Variants in RASAL2 observed in about 807,000 individuals in gnomAD.
RASAL2 encodes the protein RAS protein activator like 2.
In RASAL2, 58 loss-of-function variants were observed where a neutral mutation model predicts 128.9. That is an observed-to-expected ratio of 0.45 (90% CI 0.36 to 0.56). The LOEUF is 0.56. Among genes scored for constraint, RASAL2 ranks in the 20% least tolerant of loss-of-function variants. RASAL2 has a pLI of 0.00. For synonymous variants in RASAL2, 561 were observed against 580.8 expected (o/e 0.97, Z 0.49); for missense variants, 1,360 against 1,601.6 (o/e 0.85, Z 2.57).
intron 3 of RASAL2, among the ~76,000 whole-genome samples, chr1:178,310,377 C>T (rs981508513): frequency 6.6e-6 from 1 of 152,026 alleles, no homozygotes; most frequent in African/African-American, 2.4e-5. Flanking sequence ...GCATTATTAG[C>T]CAATTAAATG....
At chr1:178,245,805 C>A (rs1664743478) in intron 1 of RASAL2, among the ~76,000 whole-genome samples, 1 of 152,344 alleles carries the variant, frequency 6.6e-6, no homozygotes, top group Middle Eastern at 3.4e-3. Context: ...GTTTTCCCAG[C>A]ACCATTTGTA....
At chr1:178,422,507 T>G in intron 5 of RASAL2, among the ~76,000 whole-genome samples, 1 of 152,190 alleles carries the variant, frequency 6.6e-6, no homozygotes, top group East Asian at 1.9e-4. Context: ...TCAAAAAACT[T>G]TTTCTTGTAT....
chr1:178,320,604 G>C lies in RASAL2; in HGVS notation c.457+20486G>C, dbSNP rs538941835. On this transcript the variant is annotated intron_variant, in intron 3 of 17. Transcript: ENST00000367649. Reference sequence around the variant, plus strand: ...CTTTGACTGGGAGAGGGAACTCCCTGACCCCTTGCGCTTCCCAGGTGAGGC... The same window carrying C: ...CTTTGACTGGGAGAGGGAACTCCCTCACCCCTTGCGCTTCCCAGGTGAGGC... Among the ~76,000 whole-genome samples the C allele has an allele frequency of 5.0e-3, 765 of 152,306 alleles. 3 individuals carry two copies. The highest frequency in any genetic ancestry group is 9.7e-3 in the Non-Finnish European group (663 of 68,020).
intron 17 of RASAL2, among the ~76,000 whole-genome samples, chr1:178,471,621 T>A (rs892992319): frequency 2.0e-5 from 3 of 151,866 alleles, no homozygotes; most frequent in Admixed American, 2.0e-4. Flanking sequence ...TGTTGTTTCT[T>A]TTTTTTTAAT....
At chr1:178,429,597 A>C (rs892074808) in intron 5 of RASAL2, among the ~76,000 whole-genome samples, 1 of 152,094 alleles carries the variant, frequency 6.6e-6, no homozygotes, top group African/African-American at 2.4e-5. Context: ...TCTCAATTGA[A>C]ACTGCAATTT....
chr1:178,446,497 C>T (rs1677008337), intron 9 of RASAL2, among the ~76,000 whole-genome samples: 1 of 152,150 alleles, frequency 6.6e-6, no homozygotes, highest in African/African-American at 2.4e-5. Context: ...TATCCAAATA[C>T]TATTTAATGG....
intron 3 of RASAL2, among the ~76,000 whole-genome samples, chr1:178,303,824 A>G (rs915706564): frequency 6.6e-6 from 1 of 152,158 alleles, no homozygotes; most frequent in Non-Finnish European, 1.5e-5. Context: ...CGAAGAGTTC[A>G]CTGAGGAACA....
At chr1:178,278,801 A>T (rs1666643701) in intron 1 of RASAL2, among the ~76,000 whole-genome samples, 1 of 152,148 alleles carries the variant, frequency 6.6e-6, no homozygotes, top group Non-Finnish European at 1.5e-5. Context: ...CTAAGAAAAA[A>T]GTTGGAGTGT....
chr1:178,366,768 GA>G (rs1360079317), intron 3 of RASAL2, among the ~76,000 whole-genome samples: 1 of 152,036 alleles, frequency 6.6e-6, no homozygotes, highest in African/African-American at 2.4e-5. Context: ...AAAAAGGAAT[GA>G]AGTACTCGCT....
chr1:178,264,363 T>C (rs969763113), intron 1 of RASAL2, among the ~76,000 whole-genome samples: 47 of 152,334 alleles, frequency 3.1e-4, no homozygotes, highest in Admixed American at 1.3e-3. Flanking sequence ...GATAGACTTA[T>C]ACAGTTTTAA....
chr1:178,157,980 A>G (rs1204808769), intron 1 of RASAL2, among the ~76,000 whole-genome samples: 1 of 152,186 alleles, frequency 6.6e-6, no homozygotes, highest in Admixed American at 6.5e-5. Flanking sequence ...ATTGCTCTTC[A>G]TCTTCTATTG....
intron 3 of RASAL2, among the ~76,000 whole-genome samples, chr1:178,372,587 G>A (rs1175626813): frequency 6.6e-6 from 1 of 152,118 alleles, no homozygotes; most frequent in African/African-American, 2.4e-5. Context: ...CATGTCATCT[G>A]GCCAGCTGTT....
chr1:178,122,718 A>T (rs1284486502), intron 1 of RASAL2, among the ~76,000 whole-genome samples: 1 of 152,172 alleles, frequency 6.6e-6, no homozygotes, highest in Non-Finnish European at 1.5e-5. Flanking sequence ...CTTGTAATAT[A>T]TAAAATTATA....
intron 4 of RASAL2, among the ~76,000 whole-genome samples, chr1:178,398,189 C>T (rs1673369544): frequency 6.6e-6 from 1 of 151,666 alleles, no homozygotes; most frequent in Non-Finnish European, 1.5e-5. Flanking sequence ...CATAATTTGG[C>T]CTACTATAAG....
chr1:178,327,153 C>T (rs898975817), intron 3 of RASAL2, among the ~76,000 whole-genome samples: 1 of 152,008 alleles, frequency 6.6e-6, no homozygotes, highest in Admixed American at 6.6e-5. Context: ...TGTGTATATA[C>T]AAATTTAGTT....
At chr1:178,309,835 G>C (rs1668153978) in intron 3 of RASAL2, among the ~76,000 whole-genome samples, 1 of 152,156 alleles carries the variant, frequency 6.6e-6, no homozygotes, top group African/African-American at 2.4e-5. Flanking sequence ...GAGGGCATCA[G>C]ACTAATTTGT....
Position 178,327,091 on chromosome 1 carries a change from T to C in RASAL2, c.457+26973T>C, listed in dbSNP as rs187550744. ...TCTCATTCTAACTTAGCATTTCTTTTCTATTTTGAATGAAATTTAAAATCA... is the reference window on the plus strand; with the variant it reads ...TCTCATTCTAACTTAGCATTTCTTTCCTATTTTGAATGAAATTTAAAATCA... On this transcript the variant is annotated intron_variant, in intron 3 of 17. Transcript: ENST00000367649. Among the ~76,000 whole-genome samples the C allele has an allele frequency of 7.2e-5, 11 of 152,322 alleles. 1 individual carries two copies. Among genetic ancestry groups the C allele is most frequent in the Admixed American group, 6.5e-4 (10 of 15,296 alleles).
At chr1:178,472,985 T>C in intron 17 of RASAL2, 90 bp from the exon 18 acceptor site, 1 of 1,455,840 alleles carries the variant, frequency 6.9e-7, no homozygotes, top group Admixed American at 1.8e-5. Flanking sequence ...TACAACTGTT[T>C]GAGAGAAAGC....
chr1:178,180,638 G>A (rs960199713), intron 1 of RASAL2, among the ~76,000 whole-genome samples: 3 of 144,350 alleles, frequency 2.1e-5, no homozygotes, highest in African/African-American at 7.9e-5. Flanking sequence ...CTGCATTCAA[G>A]CCTGGGTGAT....
Sources: gnomAD v4.1 joint callset for allele counts (sites outside exome capture counted in the v4.1 genomes callset) on GRCh38, gnomAD v4.1.1 for gene constraint, MANE v1.5 for transcripts, NCBI Gene and HGNC (gene_info 2026-07-23, HGNC 2026-07-21) for gene names.